The following PCDHGB4 variants were observed in gnomAD, a reference collection of about 807,000 sequenced individuals.
PCDHGB4 encodes the protein protocadherin gamma subfamily B, 4.
PCDHGB4 carries 38 observed loss-of-function variants against 60.5 expected under a neutral mutation model. The ratio of observed to expected loss-of-function variants is 0.63; its 90% CI spans 0.48 to 0.82. The LOEUF (loss-of-function observed/expected upper bound fraction) is 0.82, where lower values mean the gene tolerates loss of function less well. Ranked by LOEUF, PCDHGB4 falls within the 40% of genes least tolerant of loss-of-function variation. PCDHGB4 has a pLI of 0.00. For synonymous variants in PCDHGB4, 456 were observed against 509.7 expected, an observed-to-expected ratio of 0.89 and a Z score of 1.42; for missense variants, 1,109 against 1,209.6, an observed-to-expected ratio of 0.92 and a Z score of 1.23.
chr5:141,486,140 C>T lies in PCDHGB4; in HGVS notation c.2398-8667C>T, dbSNP rs759476505. On this transcript the variant is annotated intron_variant, in intron 1 of 3. Coordinates refer to ENST00000519479, the MANE Select transcript of PCDHGB4 (RefSeq NM_003736.4). The surrounding 1 kb of genome is among the most constrained non-coding windows in gnomAD (Gnocchi z 5.0). ...TTACTATGAATTTGATGTGCGGGCT[C>T]GCGATGGGGGTTCTCCAGCCATGGA... 1 of 1,614,164 alleles carries T rather than the reference C, an allele frequency of 6.2e-7. No individual in the cohort carries two copies. The highest frequency in any genetic ancestry group is 1.3e-5 in the African/African-American group (1 of 75,030).
At chr5:141,394,297 C>A (rs375160983) in intron 1 of PCDHGB4, 1 of 1,613,990 alleles carries the variant, frequency 6.2e-7, no homozygotes, top group Non-Finnish European at 8.5e-7. Context: ...ACCGAGGACA[C>A]GCTGCAGGGG....
Position 141,429,390 on chromosome 5 carries a change from A to ATTTT in PCDHGB4, c.2397+39109_2397+39110insTTTT, listed in dbSNP as rs1561841316. ...TGGAGAAAATGTGTTTTTTTTTTAA[A>ATTTT]AAAAATTGAGATTAAGGTCTCATTA... On this transcript the variant is annotated intron_variant, in intron 1 of 3. Coordinates refer to ENST00000519479, the MANE Select transcript of PCDHGB4 (RefSeq NM_003736.4). 1.2e-4 allele frequency among the ~76,000 whole-genome samples: 18 copies of ATTTT among 150,328 alleles called. No homozygotes were observed. In the East Asian group the frequency reaches 1.9e-3, roughly 16 times the overall value.
rs754652710 is a variant in PCDHGB4 at position 141,476,367 on chromosome 5, G to A, written c.2398-18440G>A. Reference sequence around the variant, plus strand: ...TTCTTTGAGGTGAACCGGGAGACCGGAGAGATGTTTGTGAACGACCGTCTG... The same window carrying A: ...TTCTTTGAGGTGAACCGGGAGACCGAAGAGATGTTTGTGAACGACCGTCTG... On this transcript the variant is annotated intron_variant, in intron 1 of 3. Coordinates refer to ENST00000519479, the MANE Select transcript of PCDHGB4 (RefSeq NM_003736.4). The surrounding 1 kb of genome is among the most constrained non-coding windows in gnomAD (Gnocchi z 7.6). The A allele has an allele frequency of 2.5e-6, 4 of 1,614,172 alleles. No homozygotes were observed. In the South Asian group the frequency reaches 3.3e-5, roughly 13 times the overall value.
rs752402965 is a variant in PCDHGB4, at chr5:141,491,400, C to G, written c.2398-3407C>G. The G allele has an allele frequency of 2.7e-5, 44 of 1,613,990 alleles. No individual in the cohort carries two copies. The highest frequency in any genetic ancestry group is 3.5e-5 in the Non-Finnish European group (41 of 1,179,996). On this transcript the variant is annotated intron_variant, in intron 1 of 3. Coordinates refer to ENST00000519479, the MANE Select transcript of PCDHGB4 (RefSeq NM_003736.4). The surrounding 1 kb of genome is among the most constrained non-coding windows in gnomAD (Gnocchi z 6.9). ...TGTCAGCGAAGTGCCTTCAGGGAAA[C>G]GCAGACGGGGACGGGGGTGGAGGGC... is the stretch of plus-strand genomic sequence containing the variant.
intron 1 of PCDHGB4, chr5:141,399,850 C>G (rs768366007): frequency 1.2e-6 from 2 of 1,612,828 alleles, no homozygotes; most frequent in Non-Finnish European, 1.7e-6. Context: ...CGATATGGTG[C>G]CGCGCGCTGC....
Position 141,432,691 on chromosome 5 carries a change from G to A in PCDHGB4, c.2397+42410G>A, listed in dbSNP as rs1308174141. Reference sequence around the variant, plus strand: ...ACGCGCTCAAGCAGAGCCTCGTAGTGGCCGTCCAGGACCACGGCCAGCCCC... The same window carrying A: ...ACGCGCTCAAGCAGAGCCTCGTAGTAGCCGTCCAGGACCACGGCCAGCCCC... On this transcript the variant is annotated intron_variant, in intron 1 of 3. Transcript: ENST00000519479. The surrounding 1 kb of genome is among the most constrained non-coding windows in gnomAD (Gnocchi z 6.0). 1 of 1,613,942 alleles carries A rather than the reference G, an allele frequency of 6.2e-7. No individual in the cohort carries two copies. Among genetic ancestry groups the A allele is most frequent in the South Asian group, 1.1e-5 (1 of 91,068 alleles).
rs143278253 is a variant in PCDHGB4 at position 141,476,491 on chromosome 5, C to T, written c.2398-18316C>T. 9.5e-5 allele frequency: 153 copies of T among 1,613,894 alleles called. No individual in the cohort carries two copies. The highest frequency in any genetic ancestry group is 5.4e-5 in the Non-Finnish European group (64 of 1,180,020). On this transcript the variant is annotated intron_variant, in intron 1 of 3. Transcript: ENST00000519479. This position sits in a 1 kb window ranked among gnomAD's most constrained non-coding sequence, Gnocchi z 7.6. ...AGCTGTTCAGCGTGGAAGTGGTGAT[C>T]CAGGACATCAACGACAACAATCCTG... is the stretch of plus-strand genomic sequence containing the variant.
Position 141,476,441 on chromosome 5 carries a change from GAGTTGGT to G in PCDHGB4, c.2398-18362_2398-18356del. 3 of 1,614,160 alleles carry G rather than the reference GAGTTGGT, an allele frequency of 1.9e-6. No homozygotes were observed. The South Asian group carries it at 3.3e-5, about 18-fold the overall frequency. ...ACTGCCCTCTTGCACTGTAACTCTG[GAGTTGGT>G]AGTGGAGAACCCGCTGGAGCTGTTC... On this transcript the variant is annotated intron_variant, in intron 1 of 3. Transcript: ENST00000519479. The surrounding 1 kb of genome is among the most constrained non-coding windows in gnomAD (Gnocchi z 7.6).
rs771585855 is a variant in PCDHGB4 at position 141,389,777 on chromosome 5, C to G, written c.1893C>G (p.Gly631=). Reference sequence around the variant, plus strand: ...AAGTGCGCACAGCGCGTGCCTTAGGCGACAGGGACGCCGTCCGCCAGCGCC... The same window carrying G: ...AAGTGCGCACAGCGCGTGCCTTAGGGGACAGGGACGCCGTCCGCCAGCGCC... ...TGEVRTARAL[G]DRDAVRQRLL... is the part of the protein sequence containing the mutation. Residue 631 remains glycine (G), a synonymous_variant, in exon 1 of 4, where the codon GGC becomes GGG. Transcript: ENST00000519479. 4.2e-5 allele frequency: 68 copies of G among 1,613,174 alleles called. No individual in the cohort carries two copies. The highest frequency in any genetic ancestry group is 5.7e-5 in the Non-Finnish European group (67 of 1,179,736).
At chr5:141,415,729 T>A in intron 1 of PCDHGB4, 1 of 1,442,780 alleles carries the variant, frequency 6.9e-7, no homozygotes, top group Non-Finnish European at 9.1e-7. Flanking sequence ...TAGAATTTGA[T>A]GTTTATTAAG....
In PCDHGB4 at chr5:141,491,807, G is replaced by A; in HGVS notation, c.2398-3000G>A. On this transcript the variant is annotated intron_variant, in intron 1 of 3. Transcript: ENST00000519479. The surrounding 1 kb of genome is among the most constrained non-coding windows in gnomAD (Gnocchi z 6.9). ...CATCCACTCCTCTCCGGCCGGCTTG[G>A]TCGCTGGCTGCGCTCCACCCGATTC... is the stretch of plus-strand genomic sequence containing the variant. 1 of 1,491,112 alleles carries A rather than the reference G, an allele frequency of 6.7e-7. No homozygotes were observed. The highest frequency in any genetic ancestry group is 1.4e-5 in the South Asian group (1 of 73,752). The allele number at this position is 1,491,112 out of a possible 1,614,324, so 92.4% of individuals were successfully genotyped here. A position where few individuals can be genotyped will look rare whatever the true frequency, so the allele number is the denominator to read the frequency against.
intron 1 of PCDHGB4, 129 bp from the exon 2 acceptor site, chr5:141,494,678 G>T: frequency 1.3e-6 from 2 of 1,554,384 alleles, no homozygotes; most frequent in East Asian, 4.7e-5. Flanking sequence ...GTCCACCCCT[G>T]CCCCCTCTTA....
chr5:141,457,054 T>C (rs1410535170), intron 1 of PCDHGB4, among the ~76,000 whole-genome samples: 1 of 152,242 alleles, frequency 6.6e-6, no homozygotes, highest in Non-Finnish European at 1.5e-5. Context: ...ACTTTCATGC[T>C]TCCTTTTTGC....
intron 1 of PCDHGB4, chr5:141,441,396 C>T (rs2098244328): frequency 6.5e-6 from 1 of 154,724 alleles, no homozygotes; most frequent in Admixed American, 6.5e-5. Flanking sequence ...GGTATAACAT[C>T]AGCATCACTG....
chr5:141,417,839 C>A, intron 1 of PCDHGB4: 1 of 1,534,218 alleles, frequency 6.5e-7, no homozygotes, highest in South Asian at 1.2e-5. Flanking sequence ...AGCGGGGACC[C>A]AGCGAGAACC....
At chr5:141,405,394 C>A (rs761584699) in intron 1 of PCDHGB4, 7 of 1,593,014 alleles carry the variant, frequency 4.4e-6, no homozygotes, top group Non-Finnish European at 6.0e-6. Context: ...CATTTTTTTT[C>A]TTTCTTTCTT....
chr5:141,441,882 C>A, intron 1 of PCDHGB4: 1 of 343,664 alleles, frequency 2.9e-6, no homozygotes, highest in South Asian at 2.6e-5. Context: ...GCTACCTGGT[C>A]ACCAAGGTGG....
chr5:141,465,030 C>T (rs922114985), intron 1 of PCDHGB4, among the ~76,000 whole-genome samples: 2 of 152,086 alleles, frequency 1.3e-5, no homozygotes, highest in Non-Finnish European at 1.5e-5. Context: ...CCATGAACCA[C>T]CACAAATGAC....
chr5:141,413,921 C>G, intron 1 of PCDHGB4: 2 of 1,613,360 alleles, frequency 1.2e-6, no homozygotes, highest in Middle Eastern at 1.6e-4. Flanking sequence ...TTCACCTTGC[C>G]AGAATACCGA....
Sources: allele counts gnomAD v4.1 joint callset (sites outside exome capture counted in the v4.1 genomes callset), GRCh38; gene constraint gnomAD v4.1.1; non-coding constraint Gnocchi (gnomAD v3.1); transcripts MANE v1.5; gene names NCBI Gene and HGNC (gene_info 2026-07-23, HGNC 2026-07-21).